ELMO1: variants seen among roughly 807,000 people sequenced by gnomAD.
The protein encoded by ELMO1 is engulfment and cell motility protein 1.
ELMO1 carries 26 observed loss-of-function variants against 98.9 expected under a neutral mutation model. The ratio of observed to expected loss-of-function variants is 0.26; its 90% CI spans 0.19 to 0.36. The LOEUF is 0.36. Among genes scored for constraint, ELMO1 ranks in the 10% least tolerant of loss-of-function variants. ELMO1 has a pLI of 1.00. For missense variants in ELMO1, 627 were observed against 935.2 expected, an observed-to-expected ratio of 0.67 and a Z score of 4.30; for synonymous variants, 346 against 346.0, an observed-to-expected ratio of 1.00 and a Z score of 0.00.
At chr7:37,315,095 TG>T (rs1799084939) in intron 3 of ELMO1, among the ~76,000 whole-genome samples, 173 bp from the exon 4 acceptor site, 1 of 152,218 alleles carries the variant, frequency 6.6e-6, no homozygotes, top group African/African-American at 2.4e-5. Context: ...TCCATTACCC[TG>T]AGACCAATCA....
intron 13 of ELMO1, among the ~76,000 whole-genome samples, chr7:37,202,265 G>C (rs1473557506): frequency 1.3e-5 from 2 of 152,176 alleles, no homozygotes; most frequent in African/African-American, 4.8e-5. Flanking sequence ...AAAGTGATTC[G>C]ATTGACAAAA....
chr7:37,061,624 G>A (rs772442120), intron 15 of ELMO1, among the ~76,000 whole-genome samples: 4 of 152,102 alleles, frequency 2.6e-5, no homozygotes, highest in Non-Finnish European at 5.9e-5. Context: ...GAGGGGACAC[G>A]TAAGCAGCCA....
At chr7:36,956,328 T>TA (rs2129112157) in intron 16 of ELMO1, among the ~76,000 whole-genome samples, 1 of 152,360 alleles carries the variant, frequency 6.6e-6, no homozygotes, top group Non-Finnish European at 1.5e-5. Flanking sequence ...ATGATTTTCT[T>TA]ATCCTTCTCT....
intron 4 of ELMO1, among the ~76,000 whole-genome samples, chr7:37,290,269 T>A (rs1371733425): frequency 1.3e-5 from 2 of 152,108 alleles, no homozygotes; most frequent in Non-Finnish European, 2.9e-5. Context: ...CTAAACAAGA[T>A]AACATACGTC....
At chr7:37,400,945 G>A (rs1689542631) in intron 1 of ELMO1, among the ~76,000 whole-genome samples, 1 of 152,182 alleles carries the variant, frequency 6.6e-6, no homozygotes, top group Non-Finnish European at 1.5e-5. Context: ...CTTAGGACAA[G>A]ACTAATAGCC....
chr7:37,098,389 T>TA (rs958634515), intron 14 of ELMO1, among the ~76,000 whole-genome samples: 1 of 152,018 alleles, frequency 6.6e-6, no homozygotes. Flanking sequence ...GCTATGAAAA[T>TA]AAAAAATAAC....
chr7:36,870,647 G>A lies in ELMO1; in HGVS notation c.1823-172C>T, dbSNP rs1415454969. On this transcript the variant is annotated intron_variant, in intron 19 of 21. Transcript: ENST00000310758. This position sits in a 1 kb window ranked among gnomAD's most constrained non-coding sequence, Gnocchi z 4.4. ...GAAGCCAGGTAGTGTCCCAGGATTAGAAACTAAAATATATCTTATATTCTG... is the reference window on the plus strand; with the variant it reads ...GAAGCCAGGTAGTGTCCCAGGATTAAAAACTAAAATATATCTTATATTCTG... Among the ~76,000 whole-genome samples, 1 of 152,182 alleles carries A rather than the reference G, an allele frequency of 6.6e-6. No individual in the cohort carries two copies. Among genetic ancestry groups the A allele is most frequent in the Non-Finnish European group, 1.5e-5 (1 of 68,036 alleles).
intron 13 of ELMO1, among the ~76,000 whole-genome samples, chr7:37,192,813 AAT>A (rs1491584399): frequency 2.0e-5 from 3 of 147,386 alleles, no homozygotes; most frequent in Admixed American, 6.8e-5. Flanking sequence ...AAAAAAAAAA[AAT>A]GTGTGTGTGT....
chr7:37,188,476 C>T (rs1210554195), intron 13 of ELMO1, among the ~76,000 whole-genome samples: 1 of 93,878 alleles, frequency 1.1e-5, no homozygotes, highest in Non-Finnish European at 2.0e-5. Context: ...ACACAGGCCA[C>T]TGGAGAAAGG....
chr7:37,068,933 T>C (rs1797126804), intron 15 of ELMO1, among the ~76,000 whole-genome samples: 1 of 152,200 alleles, frequency 6.6e-6, no homozygotes, highest in South Asian at 2.1e-4. Context: ...AAAACAGCAG[T>C]TTGAATTTAA....
intron 20 of ELMO1, among the ~76,000 whole-genome samples, chr7:36,864,283 A>G (rs1802856955): frequency 1.3e-5 from 2 of 152,302 alleles, no homozygotes; most frequent in South Asian, 4.1e-4. Context: ...GAAGGAAGGA[A>G]AAGGAGCAGG....
In ELMO1 at chr7:37,448,680, T is replaced by G. The variant is rs1210705965; in HGVS notation, c.-79A>C. 6.6e-6 allele frequency: 1 copy of G among 152,176 alleles called. No individual in the cohort carries two copies. The highest frequency in any genetic ancestry group is 1.5e-5 in the Non-Finnish European group (1 of 68,090). 9.4% of individuals were successfully genotyped at this position (152,176 alleles called of 1,614,324 possible). On this transcript the variant is annotated 5_prime_UTR_variant, in exon 1 of 22. Transcript: ENST00000310758. The stretch of plus-strand genomic sequence containing the variant: ...GCCCAGGAAACTTTACGAACCTGCT[T>G]GGGGTCGCAGGACAGCAGCGGCAAG...
At chr7:37,077,746 C>G (rs1797659660) in intron 15 of ELMO1, among the ~76,000 whole-genome samples, 1 of 152,022 alleles carries the variant, frequency 6.6e-6, no homozygotes, top group Non-Finnish European at 1.5e-5. Flanking sequence ...AATGGTGACC[C>G]CAGGGGTCAG....
chr7:37,379,789 C>G (rs1429835356), intron 1 of ELMO1, among the ~76,000 whole-genome samples: 1 of 152,124 alleles, frequency 6.6e-6, no homozygotes, highest in Admixed American at 6.5e-5. Flanking sequence ...CAACCCAGGC[C>G]ACCGCAACTC....
At chr7:37,033,956 C>G (rs1795031120) in intron 15 of ELMO1, among the ~76,000 whole-genome samples, 1 of 150,190 alleles carries the variant, frequency 6.7e-6, no homozygotes, top group African/African-American at 2.4e-5. Context: ...AGTGCTGTGC[C>G]AAAAAAAAAT....
intron 20 of ELMO1, among the ~76,000 whole-genome samples, chr7:36,864,376 AAC>A (rs1420488389): frequency 1.3e-5 from 2 of 152,198 alleles, no homozygotes; most frequent in Non-Finnish European, 2.9e-5. Context: ...ATTCCTGATA[AAC>A]ACAGGCAGGA....
At chr7:37,364,055 G>A (rs953250427) in intron 1 of ELMO1, among the ~76,000 whole-genome samples, 4 of 152,060 alleles carry the variant, frequency 2.6e-5, no homozygotes, top group Non-Finnish European at 5.9e-5. Context: ...CTCTGCCAGG[G>A]CCTTAGGCCT....
In ELMO1 at chr7:37,376,098, C is replaced by CA. The variant is rs1007036429; in HGVS notation, c.-73-33336dup. ...TTAAAAAAATGAACAAACAAACAAA[C>CA]AAAAAAAACACTGATTCTTACAGCT... On this transcript the variant is annotated intron_variant, in intron 1 of 21. Transcript: ENST00000310758. 1.5e-4 allele frequency: 52 copies of CA among 335,606 alleles called. 1 individual carries two copies. Among genetic ancestry groups the CA allele is most frequent in the Admixed American group, 5.3e-4 (13 of 24,726 alleles). 20.8% of individuals were successfully genotyped at this position (335,606 alleles called of 1,614,324 possible). A position where few individuals can be genotyped will look rare whatever the true frequency, so the allele number is the denominator to read the frequency against.
At chr7:37,086,972 A>AT (rs1783824149) in intron 15 of ELMO1, among the ~76,000 whole-genome samples, 1 of 152,170 alleles carries the variant, frequency 6.6e-6, no homozygotes, top group Non-Finnish European at 1.5e-5. Flanking sequence ...GGAAGAAAAC[A>AT]TTTTGCTTCT....
Sources: gnomAD v4.1 joint callset for allele counts (sites outside exome capture counted in the v4.1 genomes callset) on GRCh38, gnomAD v4.1.1 for gene constraint, Gnocchi (gnomAD v3.1) non-coding constraint, MANE v1.5 for transcripts, NCBI Gene and HGNC (gene_info 2026-07-23, HGNC 2026-07-21) for gene names.